ATXN2: variants seen among roughly 807,000 people sequenced by gnomAD.
The protein encoded by ATXN2 is ataxin 2, also known as ataxin-2.
Under a neutral mutation model 138.6 loss-of-function variants are expected in ATXN2, and 37 were observed. That is an observed-to-expected ratio of 0.27 (90% CI 0.21 to 0.35). The LOEUF is 0.35. ATXN2 is among the 10% of genes least tolerant of loss of function. ATXN2 has a pLI of 1.00. For synonymous variants in ATXN2, 549 were observed against 543.7 expected, an observed-to-expected ratio of 1.01 and a Z score of -0.13; for missense variants, 1,216 against 1,480.3, an observed-to-expected ratio of 0.82 and a Z score of 2.93.
chr12:111,547,168 C>A (rs2135779247), intron 5 of ATXN2, among the ~76,000 whole-genome samples: 1 of 152,328 alleles, frequency 6.6e-6, no homozygotes, highest in South Asian at 2.1e-4. Flanking sequence ...GTGGCTCACG[C>A]CTGTAATCCT....
chr12:111,485,229 C>T, intron 18 of ATXN2, 36 bp downstream of exon 18: 2 of 1,572,268 alleles, frequency 1.3e-6, no homozygotes, highest in Non-Finnish European at 1.7e-6. Context: ...ATGCAGCATG[C>T]AAACTACAAG....
intron 1 of ATXN2, among the ~76,000 whole-genome samples, chr12:111,564,105 T>C (rs959250477): frequency 6.6e-6 from 1 of 152,180 alleles, no homozygotes; most frequent in Non-Finnish European, 1.5e-5. Context: ...CACATAGATA[T>C]AGCCCCCAAA....
intron 5 of ATXN2, among the ~76,000 whole-genome samples, chr12:111,537,595 GAAA>G (rs75118403): frequency 4.2e-4 from 56 of 133,592 alleles, no homozygotes; most frequent in South Asian, 1.1e-3. Flanking sequence ...AAAAAAAAAA[GAAA>G]AAAAAAGGCT....
chr12:111,478,065 G>C (rs948027781), intron 18 of ATXN2, among the ~76,000 whole-genome samples: 4 of 151,846 alleles, frequency 2.6e-5, no homozygotes, highest in Non-Finnish European at 5.9e-5. Context: ...CAAAGTGCTG[G>C]AATTACAGGC....
intron 1 of ATXN2, among the ~76,000 whole-genome samples, chr12:111,578,160 A>G (rs1455793868): frequency 1.3e-5 from 2 of 152,112 alleles, no homozygotes; most frequent in Admixed American, 6.6e-5. Context: ...TCACGCCACT[A>G]CACTCCAGCC....
chr12:111,535,249 T>C (rs1244576516), intron 5 of ATXN2, among the ~76,000 whole-genome samples: 2 of 152,110 alleles, frequency 1.3e-5, no homozygotes, highest in African/African-American at 2.4e-5. Flanking sequence ...AAAGGACAGA[T>C]GTGGGCTTGG....
intron 20 of ATXN2, chr12:111,469,223 C>T (rs776583185): frequency 5.3e-5 from 8 of 152,108 alleles, no homozygotes; most frequent in Non-Finnish European, 1.0e-4. Flanking sequence ...CAACCAAAAA[C>T]GCAAATAGGA....
rs848132 is a variant in ATXN2 at position 111,552,175 on chromosome 12, C to A, written c.571+105G>T. On this transcript the variant is annotated intron_variant, in intron 5 of 24. Coordinates refer to ENST00000673436, the MANE Select transcript of ATXN2 (RefSeq NM_001372574.1). This position sits in a 1 kb window ranked among gnomAD's most constrained non-coding sequence, Gnocchi z 4.1. ...AGATTACAGGAATGAGCCGCCATAC[C>A]CAGCCCAGATATTTCTTTAAAAAAA... The A allele has an allele frequency of 0.21, 256,793 of 1,252,352 alleles. 27,186 individuals are homozygous for A. Among genetic ancestry groups the A allele is most frequent in the Middle Eastern group, 0.31 (1,296 of 4,116 alleles). 77.6% of individuals were successfully genotyped at this position (1,252,352 alleles called of 1,614,324 possible).
chr12:111,576,752 G>A (rs571709615), intron 1 of ATXN2, among the ~76,000 whole-genome samples: 1 of 151,864 alleles, frequency 6.6e-6, no homozygotes, highest in African/African-American at 2.4e-5. Flanking sequence ...AAAGTCAGGA[G>A]TTCGAGACCA....
intron 1 of ATXN2, among the ~76,000 whole-genome samples, chr12:111,562,704 G>A (rs1051417208): frequency 2.9e-5 from 3 of 104,654 alleles, no homozygotes; most frequent in Non-Finnish European, 5.3e-5. Flanking sequence ...TGGGCAATAA[G>A]AGCGAAACTC....
intron 1 of ATXN2, among the ~76,000 whole-genome samples, chr12:111,596,372 T>TGC (rs1385490906): frequency 5.1e-5 from 3 of 59,110 alleles, no homozygotes; most frequent in African/African-American, 2.2e-4. Context: ...TGAAAAACTA[T>TGC]TCACACACAC....
intron 18 of ATXN2, among the ~76,000 whole-genome samples, chr12:111,480,164 T>G (rs1315469657): frequency 6.6e-6 from 1 of 151,830 alleles, no homozygotes; most frequent in Non-Finnish European, 1.5e-5. Context: ...GTTTTCCATC[T>G]TCACTGATGA....
chr12:111,562,844 A>T (rs595529), intron 1 of ATXN2, among the ~76,000 whole-genome samples: 31,268 of 152,022 alleles, frequency 0.21, 3,341 homozygotes, highest in East Asian at 0.33. Flanking sequence ...AAATATAGTA[A>T]GGGAAAGTAG....
chr12:111,470,189 G>C lies in ATXN2; in HGVS notation c.2761C>G (p.Pro921Ala). The C allele has an allele frequency of 6.2e-7, 1 of 1,614,082 alleles. No homozygotes were observed. The highest frequency in any genetic ancestry group is 1.1e-5 in the South Asian group (1 of 91,078). Residue 921 changes from proline to alanine, a missense_variant, in exon 20 of 25, where the codon CCA becomes GCA. Pro to Ala is a conservative substitution (Grantham distance 27). Coordinates refer to ENST00000673436, the MANE Select transcript of ATXN2 (RefSeq NM_001372574.1). Reference sequence around the variant, plus strand: ...AAACCAGGCTGGGCGTGTGTTGGTGGTGCCATCATTCTAGCATTACCCTGT... The same window carrying C: ...AAACCAGGCTGGGCGTGTGTTGGTGCTGCCATCATTCTAGCATTACCCTGT... ...VIQGNARMMAPPTHAQPGLVS... is the reference protein window; with the variant it reads ...VIQGNARMMAAPTHAQPGLVS...
chr12:111,594,048 C>G (rs1270814025), intron 1 of ATXN2, among the ~76,000 whole-genome samples: 1 of 152,174 alleles, frequency 6.6e-6, no homozygotes, highest in Non-Finnish European at 1.5e-5. Flanking sequence ...ACTCCCTATA[C>G]CTTTAATCTG....
At chr12:111,496,234 A>AT (rs1878414300) in intron 14 of ATXN2, among the ~76,000 whole-genome samples, 1 of 152,108 alleles carries the variant, frequency 6.6e-6, no homozygotes, top group African/African-American at 2.4e-5. Flanking sequence ...TCTGATCACA[A>AT]TAAGATAACA....
chr12:111,532,488 T>C (rs1880890577), intron 5 of ATXN2, among the ~76,000 whole-genome samples: 1 of 152,178 alleles, frequency 6.6e-6, no homozygotes, highest in Admixed American at 6.5e-5. Flanking sequence ...CAAAAATATA[T>C]ATACATAAAA....
At position 111,516,852 on chromosome 12, in the gene ATXN2, A is replaced by G. The variant is rs1879885278; in HGVS notation, c.1166-489T>C. 6.6e-6 allele frequency among the ~76,000 whole-genome samples: 1 copy of G among 152,216 alleles called. No homozygotes were observed. The highest frequency in any genetic ancestry group is 6.5e-5 in the Admixed American group (1 of 15,282). On this transcript the variant is annotated intron_variant, in intron 9 of 24. Coordinates refer to ENST00000673436, the MANE Select transcript of ATXN2 (RefSeq NM_001372574.1). This position sits in a 1 kb window ranked among gnomAD's most constrained non-coding sequence, Gnocchi z 5.0. ...AAATGCTGGTTCCTTACAATTATCTATGATTTTCATCAGGTTTACACTTGA... is the reference window on the plus strand; with the variant it reads ...AAATGCTGGTTCCTTACAATTATCTGTGATTTTCATCAGGTTTACACTTGA...
intron 1 of ATXN2, among the ~76,000 whole-genome samples, chr12:111,595,043 G>A (rs2135855773): frequency 6.6e-6 from 1 of 152,218 alleles, no homozygotes; most frequent in South Asian, 2.1e-4. Context: ...ATATGCACTT[G>A]ACAGTAAAAA....
Sources: allele counts gnomAD v4.1 joint callset (sites outside exome capture counted in the v4.1 genomes callset), GRCh38; gene constraint gnomAD v4.1.1; non-coding constraint Gnocchi (gnomAD v3.1); transcripts MANE v1.5; gene names NCBI Gene and HGNC (gene_info 2026-07-23, HGNC 2026-07-21).